NRXN3: variants seen among roughly 807,000 people sequenced by gnomAD.
NRXN3 encodes the protein neurexin 3.
NRXN3 carries 32 observed loss-of-function variants against 137.6 expected under a neutral mutation model. The observed-to-expected ratio is 0.23, with a 90% CI of 0.18 to 0.31. The LOEUF is 0.31. NRXN3 is among the 10% of genes least tolerant of loss of function. NRXN3 has a pLI of 1.00. For missense variants in NRXN3, 1,574 were observed against 2,062.5 expected (o/e 0.76, Z 4.59); for synonymous variants, 798 against 784.5 (o/e 1.02, Z -0.29).
chr14:78,727,323 G>T (rs1429894262), intron 8 of NRXN3, among the ~76,000 whole-genome samples: 35 of 152,204 alleles, frequency 2.3e-4, no homozygotes, highest in Admixed American at 2.3e-3. Context: ...TATTGTTAAT[G>T]CAGTAACTCA....
intron 16 of NRXN3, among the ~76,000 whole-genome samples, chr14:79,609,764 C>T (rs1427944316): frequency 5.3e-5 from 8 of 152,102 alleles, no homozygotes; most frequent in Admixed American, 1.3e-4. Flanking sequence ...AATACCAAAA[C>T]GAATATGCCA....
intron 6 of NRXN3, among the ~76,000 whole-genome samples, chr14:78,699,585 C>T (rs1024555786): frequency 1.5e-4 from 23 of 152,110 alleles, no homozygotes; most frequent in African/African-American, 5.3e-4. Flanking sequence ...TTTTAAATTT[C>T]GTCATCTTTT....
intron 14 of NRXN3, among the ~76,000 whole-genome samples, chr14:78,974,019 T>A (rs2153022967): frequency 6.6e-6 from 1 of 152,278 alleles, no homozygotes; most frequent in African/African-American, 2.4e-5. Context: ...TGTTTTTCTT[T>A]ATCGCCTCTT....
chr14:78,739,574 C>T lies in NRXN3; in HGVS notation c.2044+24435C>T, dbSNP rs552298184. Among the ~76,000 whole-genome samples the T allele has an allele frequency of 7.9e-5, 12 of 152,282 alleles. No homozygotes were observed. The East Asian group carries it at 1.9e-3, about 25-fold the overall frequency. On this transcript the variant is annotated intron_variant, in intron 8 of 20. Transcript: ENST00000335750. The stretch of plus-strand genomic sequence containing the variant: ...GAAACCTCCGCCTCCCGGGTTCAAG[C>T]GATTCTCCTGCTTCAGCCTCCTGAG...
At chr14:78,249,099 A>T (rs1372980623) in intron 2 of NRXN3, among the ~76,000 whole-genome samples, 1 of 152,190 alleles carries the variant, frequency 6.6e-6, no homozygotes, top group Non-Finnish European at 1.5e-5. Flanking sequence ...GCAATTTTTT[A>T]AAATCTCCCC....
chr14:78,313,509 G>A (rs919833097), intron 4 of NRXN3, among the ~76,000 whole-genome samples: 3 of 150,920 alleles, frequency 2.0e-5, no homozygotes, highest in South Asian at 2.1e-4. Flanking sequence ...AAACTTTCTC[G>A]TATCAGTTTA....
chr14:78,492,225 G>A (rs1198719053), intron 4 of NRXN3, among the ~76,000 whole-genome samples: 2 of 152,190 alleles, frequency 1.3e-5, no homozygotes, highest in African/African-American at 4.8e-5. Flanking sequence ...TATGAGAGGG[G>A]CAGGTGGCTG....
At chr14:78,979,919 G>A (rs997620242) in intron 14 of NRXN3, among the ~76,000 whole-genome samples, 2 of 152,112 alleles carry the variant, frequency 1.3e-5, no homozygotes, top group African/African-American at 2.4e-5. Context: ...CTCCCACCGG[G>A]CCCCTCCCAC....
intron 4 of NRXN3, among the ~76,000 whole-genome samples, chr14:78,643,533 T>C (rs1165431099): frequency 1.3e-5 from 2 of 152,186 alleles, no homozygotes; most frequent in African/African-American, 4.8e-5. Context: ...TTAAATAAAA[T>C]ATATTTCACC....
chr14:79,393,973 G>A (rs1403233576), intron 15 of NRXN3, among the ~76,000 whole-genome samples: 1 of 152,136 alleles, frequency 6.6e-6, no homozygotes. Context: ...AGGTCCAGTA[G>A]GGTGGAAGTC....
chr14:78,834,172 T>G (rs771744188), intron 10 of NRXN3, among the ~76,000 whole-genome samples: 48 of 152,218 alleles, frequency 3.2e-4, no homozygotes, highest in Middle Eastern at 3.4e-3. Context: ...GTAAGGAGTT[T>G]GCATCTTATT....
intron 14 of NRXN3, among the ~76,000 whole-genome samples, chr14:78,976,088 G>C (rs987791365): frequency 2.6e-5 from 4 of 152,240 alleles, no homozygotes; most frequent in Admixed American, 1.3e-4. Flanking sequence ...TTAGTGGAAA[G>C]GAAGAGATTT....
intron 4 of NRXN3, among the ~76,000 whole-genome samples, chr14:78,352,171 G>A (rs1253801513): frequency 6.6e-6 from 1 of 151,678 alleles, no homozygotes; most frequent in African/African-American, 2.4e-5. Context: ...TGACCATTAG[G>A]TCTCTAGTGC....
chr14:78,778,756 T>TTCTC (rs1167568829), intron 8 of NRXN3, among the ~76,000 whole-genome samples: 1 of 116,710 alleles, frequency 8.6e-6, no homozygotes, highest in Non-Finnish European at 1.7e-5. Flanking sequence ...CTTTCCTTCT[T>TTCTC]TCTCTTTCTT....
rs541100694 is a variant in NRXN3, at chr14:78,875,918, C to T, written c.2275+65574C>T. Among the ~76,000 whole-genome samples the T allele has an allele frequency of 2.0e-5, 3 of 152,246 alleles. No individual in the cohort carries two copies. In the South Asian group the frequency reaches 6.2e-4, roughly 32 times the overall value. ...AAGGAACAACTGAGAACAACTACTC[C>T]CCTTGTATTCTTTTGAGGATGAGGA... On this transcript the variant is annotated intron_variant, in intron 10 of 20. Transcript: ENST00000335750.
At chr14:79,530,993 G>A (rs1049661942) in intron 16 of NRXN3, among the ~76,000 whole-genome samples, 1 of 152,078 alleles carries the variant, frequency 6.6e-6, no homozygotes, top group South Asian at 2.1e-4. Flanking sequence ...TGATCTCAGA[G>A]CCCCATTTCC....
At chr14:79,517,280 G>C (rs916871297) in intron 16 of NRXN3, among the ~76,000 whole-genome samples, 10 of 152,088 alleles carry the variant, frequency 6.6e-5, no homozygotes, top group Non-Finnish European at 1.0e-4. Flanking sequence ...GAAATCGTTT[G>C]TATGAACTTT....
chr14:78,355,194 C>T (rs1300537080), intron 4 of NRXN3, among the ~76,000 whole-genome samples: 3 of 152,136 alleles, frequency 2.0e-5, no homozygotes, highest in Admixed American at 6.5e-5. Flanking sequence ...CCACCTTTCT[C>T]CCCTGCCAAA....
chr14:79,534,205 T>C (rs2097192671), intron 16 of NRXN3, among the ~76,000 whole-genome samples: 2 of 152,302 alleles, frequency 1.3e-5, no homozygotes, highest in South Asian at 4.1e-4. Flanking sequence ...ATTCCACCTC[T>C]CTAGCCATCG....
Sources: allele counts gnomAD v4.1 joint callset (sites outside exome capture counted in the v4.1 genomes callset), GRCh38; gene constraint gnomAD v4.1.1; transcripts MANE v1.5; gene names NCBI Gene and HGNC (gene_info 2026-07-23, HGNC 2026-07-21).